MAP3K19: variants seen among roughly 807,000 people sequenced by gnomAD.
The protein encoded by MAP3K19 is SPS1/STE20-related protein kinase YSK4.
MAP3K19 carries 91 observed loss-of-function variants against 114.4 expected under a neutral mutation model. The ratio of observed to expected loss-of-function variants is 0.80; its 90% confidence interval spans 0.67 to 0.95. The LOEUF (loss-of-function observed/expected upper bound fraction) is 0.95, where lower values mean the gene tolerates loss of function less well. MAP3K19 is among the 40% of genes least tolerant of loss of function. MAP3K19 has a pLI of 0.00. For synonymous variants in MAP3K19, 518 were observed against 530.5 expected, an observed-to-expected ratio of 0.98 and a Z score of 0.32; for missense variants, 1,471 against 1,573.2, an observed-to-expected ratio of 0.94 and a Z score of 1.10.
chr2:134,965,457 A>G (rs907463511), intron 12 of MAP3K19, among the ~76,000 whole-genome samples: 3 of 152,240 alleles, frequency 2.0e-5, no homozygotes, highest in African/African-American at 7.2e-5. Context: ...ATTGTGGCAT[A>G]GTTTTTTTCT....
Position 135,023,682 on chromosome 2 carries a change from C to T in MAP3K19, c.22+944G>A, listed in dbSNP as rs76176704. ...GTTCTTTCACAATGTCTCCTAGACC[C>T]ACCACTCCCAGCATCTCTTAGGCTC... On this transcript the variant is annotated intron_variant, in intron 4 of 12. Coordinates refer to ENST00000392915, the MANE Select transcript of MAP3K19 (RefSeq NM_025052.5). 1,306 of 418,376 alleles carry T rather than the reference C, an allele frequency of 3.1e-3. 13 individuals carry two copies. Among genetic ancestry groups the T allele is most frequent in the African/African-American group, 0.024 (1,176 of 49,100 alleles). The allele number at this position is 418,376 out of a possible 1,614,324, so 25.9% of individuals were successfully genotyped here. A position where few individuals can be genotyped will look rare whatever the true frequency, so the allele number is the denominator to read the frequency against.
chr2:134,969,114 G>A (rs1359324266), intron 12 of MAP3K19, among the ~76,000 whole-genome samples: 2 of 152,150 alleles, frequency 1.3e-5, no homozygotes, highest in African/African-American at 4.8e-5. Context: ...TTGGGAGGCT[G>A]AGGCTGGCGG....
intron 1 of MAP3K19, among the ~76,000 whole-genome samples, chr2:135,045,632 C>T (rs1688727724): frequency 6.6e-6 from 1 of 152,136 alleles, no homozygotes; most frequent in Admixed American, 6.5e-5. Flanking sequence ...TATTACCTAG[C>T]AATGTTATGG....
intron 6 of MAP3K19, among the ~76,000 whole-genome samples, chr2:135,003,103 A>G (rs1420861474): frequency 6.6e-6 from 1 of 152,146 alleles, no homozygotes; most frequent in Admixed American, 6.5e-5. Context: ...TGCACAGAGG[A>G]AAGACCACGT....
intron 3 of MAP3K19, among the ~76,000 whole-genome samples, chr2:135,028,624 A>G (rs1688309699): frequency 6.6e-6 from 1 of 152,164 alleles, no homozygotes; most frequent in African/African-American, 2.4e-5. Flanking sequence ...AAATGGAGGG[A>G]GGCATATGAA....
chr2:134,993,580 A>C (rs1191052344), intron 8 of MAP3K19, among the ~76,000 whole-genome samples: 11 of 152,228 alleles, frequency 7.2e-5, no homozygotes, highest in Admixed American at 7.2e-4. Flanking sequence ...AGATGTTAGA[A>C]GTTAATCTAG....
chr2:134,997,061 A>C (rs6704556), intron 8 of MAP3K19, among the ~76,000 whole-genome samples: 8,679 of 151,990 alleles, frequency 0.057, 700 homozygotes, highest in East Asian at 0.38. Context: ...ACAAACCAAC[A>C]AACAAACAAA....
rs767770059 is a variant in MAP3K19 at position 134,986,327 on chromosome 2, A to G, written c.2545T>C (p.Phe849Leu). ...GCCCAGCTGTCTTCTGAAGGGATAAATGGGATCTGGTGATGTAGCTCTTCA... is the reference window on the plus strand; with the variant it reads ...GCCCAGCTGTCTTCTGAAGGGATAAGTGGGATCTGGTGATGTAGCTCTTCA... ...ELEELHHQIP[F>L]IPSEDSWAVP... is the part of the protein sequence containing the mutation. Residue 849 changes from phenylalanine to leucine, a missense_variant, in exon 10 of 13, where the codon TTT becomes CTT. Physicochemically the swap from Phe to Leu is conservative, Grantham distance 22. Transcript: ENST00000392915. 3.1e-6 allele frequency: 5 copies of G among 1,613,706 alleles called. No homozygotes were observed. The African/African-American group carries it at 6.7e-5, about 22-fold the overall frequency.
intron 12 of MAP3K19, among the ~76,000 whole-genome samples, chr2:134,973,315 A>C (rs934000086): frequency 6.6e-6 from 1 of 152,196 alleles, no homozygotes; most frequent in African/African-American, 2.4e-5. Context: ...GCTCTGGTGC[A>C]GGGTGCATCA....
chr2:134,986,767 C>A lies in MAP3K19; in HGVS notation c.2105G>T (p.Arg702Leu), dbSNP rs945993977. 1 of 1,614,076 alleles carries A rather than the reference C, an allele frequency of 6.2e-7. No individual in the cohort carries two copies. The highest frequency in any genetic ancestry group is 8.5e-7 in the Non-Finnish European group (1 of 1,180,024). Reference protein sequence around the residue: ...PSGRRITNKCRSSHSERKSNI... With the variant: ...PSGRRITNKCLSSHSERKSNI... ...GCTCTTCCTCTCACTGTGTGAAGAT[C>A]GACATTTATTGGTGATACGTCTGCC... Residue 702 changes from arginine to leucine, a missense_variant, in exon 10 of 13, where the codon CGA becomes CTA. Transcript: ENST00000392915.
At chr2:135,013,666 C>G (rs1361798606) in intron 5 of MAP3K19, among the ~76,000 whole-genome samples, 3 of 152,110 alleles carry the variant, frequency 2.0e-5, no homozygotes, top group Admixed American at 6.5e-5. Flanking sequence ...TATTTAAAGC[C>G]TAAATCTTCC....
chr2:135,017,396 ATCTC>A (rs992778012), intron 5 of MAP3K19, among the ~76,000 whole-genome samples: 36 of 152,126 alleles, frequency 2.4e-4, no homozygotes, highest in African/African-American at 8.0e-4. Flanking sequence ...GATGGATGCA[ATCTC>A]TCTGTCAATA....
rs545007211 is a variant in MAP3K19, at chr2:134,990,992, A to G, written c.618+545T>C. On this transcript the variant is annotated intron_variant, in intron 9 of 12. Coordinates refer to ENST00000392915, the MANE Select transcript of MAP3K19 (RefSeq NM_025052.5). ...GAGTATTGCTTGAGGCCAGGAGTTCAAGACCAACGTGGCCAACATAGCGAG... is the reference window on the plus strand; with the variant it reads ...GAGTATTGCTTGAGGCCAGGAGTTCGAGACCAACGTGGCCAACATAGCGAG... Among the ~76,000 whole-genome samples the G allele has an allele frequency of 3.3e-5, 5 of 152,092 alleles. No individual in the cohort carries two copies. In the South Asian group the frequency reaches 1.0e-3, roughly 32 times the overall value.
intron 12 of MAP3K19, among the ~76,000 whole-genome samples, chr2:134,979,641 GTTTTTTTTTTT>G (rs774229914): frequency 1.7e-5 from 2 of 117,752 alleles, no homozygotes; most frequent in Non-Finnish European, 1.7e-5. Context: ...CATTTATGCG[GTTTTTTTTTTT>G]TTTTTTTTTG....
intron 3 of MAP3K19, 27 bp from the exon 4 acceptor site, chr2:135,024,768 GT>G: frequency 2.5e-6 from 2 of 796,358 alleles, no homozygotes; most frequent in Non-Finnish European, 4.2e-6. Flanking sequence ...CAACATTAAA[GT>G]TTATTTAGTT....
chr2:134,988,461 G>A (rs1466505146), intron 9 of MAP3K19, among the ~76,000 whole-genome samples: 1 of 152,128 alleles, frequency 6.6e-6, no homozygotes, highest in African/African-American at 2.4e-5. Context: ...CATAATCACA[G>A]CTCATTGCAG....
chr2:135,045,761 A>G (rs1412482041), intron 1 of MAP3K19, among the ~76,000 whole-genome samples: 3 of 152,218 alleles, frequency 2.0e-5, no homozygotes, highest in African/African-American at 7.2e-5. Flanking sequence ...CAAAATTATC[A>G]AATCAAATCA....
intron 9 of MAP3K19, among the ~76,000 whole-genome samples, chr2:134,989,449 G>A (rs1453471579): frequency 6.6e-6 from 1 of 152,178 alleles, no homozygotes. Flanking sequence ...AAGTAGATGA[G>A]ATGTAGTGTA....
In MAP3K19 at chr2:135,012,435, A is replaced by G. The variant is rs564546897; in HGVS notation, c.139-6904T>C. Among the ~76,000 whole-genome samples the G allele has an allele frequency of 2.4e-4, 36 of 152,354 alleles. 1 individual carries two copies. The highest frequency in any genetic ancestry group is 2.3e-3 in the Admixed American group (35 of 15,306). The stretch of plus-strand genomic sequence containing the variant: ...AGAAAATTTATAAATGCGCAAAGCT[A>G]AAATATTCAAATAGGATTTAAAAAG... On this transcript the variant is annotated intron_variant, in intron 5 of 12. Coordinates refer to ENST00000392915, the MANE Select transcript of MAP3K19 (RefSeq NM_025052.5).
Sources: gnomAD v4.1 joint callset for allele counts (sites outside exome capture counted in the v4.1 genomes callset) on GRCh38, gnomAD v4.1.1 for gene constraint, MANE v1.5 for transcripts, NCBI Gene and HGNC (gene_info 2026-07-23, HGNC 2026-07-21) for gene names.